LRRC49: variants seen among roughly 807,000 people sequenced by gnomAD.
LRRC49 encodes the protein leucine rich repeat containing 49, also known as leucine-rich repeat-containing protein 49.
A neutral mutation model predicts 83.3 loss-of-function variants in LRRC49; 50 were observed. That is an observed-to-expected ratio of 0.60 (90% CI 0.48 to 0.76). LRRC49 has a LOEUF of 0.76. LRRC49 is among the 30% of genes least tolerant of loss of function. The probability of loss-of-function intolerance (pLI) is 0.00; values close to 1 mark genes in which losing one functional copy is unlikely to be tolerated. For synonymous variants in LRRC49, 286 were observed against 283.3 expected, an observed-to-expected ratio of 1.01 and a Z score of -0.10; for missense variants, 704 against 809.1, an observed-to-expected ratio of 0.87 and a Z score of 1.58.
intron 1 of LRRC49, among the ~76,000 whole-genome samples, chr15:70,858,264 C>A (rs1377082426): frequency 1.3e-5 from 2 of 152,342 alleles, no homozygotes; most frequent in East Asian, 3.9e-4. Flanking sequence ...TGGCCAGAAA[C>A]CAGCATCTTT....
At chr15:70,878,354 A>T (rs2033195814) in intron 2 of LRRC49, among the ~76,000 whole-genome samples, 1 of 152,302 alleles carries the variant, frequency 6.6e-6, no homozygotes, top group Admixed American at 6.5e-5. Context: ...ACATAATCAT[A>T]TCATCTCTAA....
chr15:70,953,073 T>A (rs2036277157), intron 8 of LRRC49, among the ~76,000 whole-genome samples: 1 of 152,208 alleles, frequency 6.6e-6, no homozygotes, highest in Non-Finnish European at 1.5e-5. Flanking sequence ...GGTTTGTGCT[T>A]CTTTATCTAA....
intron 7 of LRRC49, among the ~76,000 whole-genome samples, chr15:70,921,809 A>G (rs137858791): frequency 2.0e-5 from 3 of 152,188 alleles, no homozygotes; most frequent in Admixed American, 6.5e-5. Flanking sequence ...TGCTTCACCC[A>G]TTGAATCTTG....
At chr15:70,942,306 G>T (rs768710576) in intron 8 of LRRC49, among the ~76,000 whole-genome samples, 3 of 152,046 alleles carry the variant, frequency 2.0e-5, no homozygotes, top group African/African-American at 7.2e-5. Context: ...AAAAATTTTG[G>T]TGCATAAGGG....
At chr15:70,995,130 A>T (rs1596116310) in intron 11 of LRRC49, among the ~76,000 whole-genome samples, 1 of 152,338 alleles carries the variant, frequency 6.6e-6, no homozygotes, top group East Asian at 1.9e-4. Flanking sequence ...GCAAGGAATT[A>T]AAAAATTCAA....
At position 70,904,701 on chromosome 15, in the gene LRRC49, T is replaced by C; in HGVS notation, c.446T>C (p.Ile149Thr). ...LDLYDNQIEE[I>T]SGLSTLRCLR... ...TTATATGATAACCAGATTGAAGAAA[T>C]TAGTGGGCTTTCGACTCTGAGATGT... The change falls in exon 5 of 16, where the codon ATT becomes ACT. Residue 149 changes from isoleucine (I) to threonine (T), a missense_variant. Ile to Thr is a moderately conservative substitution (Grantham distance 89). This residue lies in a region of LRRC49 where 261 missense variants were observed against 330.5 expected (regional missense o/e 0.79). Coordinates refer to ENST00000260382, the MANE Select transcript of LRRC49 (RefSeq NM_017691.5). 6.2e-7 allele frequency: 1 copy of C among 1,613,700 alleles called. No individual in the cohort carries two copies. Among genetic ancestry groups the C allele is most frequent in the South Asian group, 1.1e-5 (1 of 91,042 alleles).
chr15:70,943,878 C>T (rs998482870), intron 8 of LRRC49, among the ~76,000 whole-genome samples: 1 of 152,194 alleles, frequency 6.6e-6, no homozygotes, highest in Non-Finnish European at 1.5e-5. Flanking sequence ...AGTGTAACAA[C>T]TGCCTGACCA....
intron 11 of LRRC49, among the ~76,000 whole-genome samples, chr15:70,999,108 G>T (rs979685032): frequency 6.6e-6 from 1 of 152,012 alleles, no homozygotes; most frequent in South Asian, 2.1e-4. Flanking sequence ...AGTTATTTCA[G>T]CATATTTAAA....
chr15:71,020,009 ATATTGG>A, intron 14 of LRRC49, among the ~76,000 whole-genome samples: 1 of 152,226 alleles, frequency 6.6e-6, no homozygotes, highest in Non-Finnish European at 1.5e-5. Flanking sequence ...AATACTTTAA[ATATTGG>A]TATTATCATG....
intron 13 of LRRC49, among the ~76,000 whole-genome samples, chr15:71,012,383 G>T (rs2038682180): frequency 6.6e-6 from 1 of 151,790 alleles, no homozygotes; most frequent in Non-Finnish European, 1.5e-5. Flanking sequence ...ATAGGAGCAA[G>T]GTATGACCAA....
chr15:71,039,511 G>GT (rs1434765244), intron 15 of LRRC49, among the ~76,000 whole-genome samples: 2 of 152,120 alleles, frequency 1.3e-5, no homozygotes, highest in African/African-American at 4.8e-5. Flanking sequence ...AAATGATGTA[G>GT]TAACGTAGTA....
intron 11 of LRRC49, among the ~76,000 whole-genome samples, chr15:70,989,181 C>T (rs888297256): frequency 2.0e-5 from 3 of 152,080 alleles, no homozygotes; most frequent in African/African-American, 7.2e-5. Flanking sequence ...TGAATGTTGG[C>T]CTGCCTTGCT....
intron 14 of LRRC49, among the ~76,000 whole-genome samples, chr15:71,026,571 G>A (rs1458576874): frequency 1.3e-5 from 2 of 152,090 alleles, no homozygotes; most frequent in East Asian, 3.9e-4. Context: ...GGGTGACAGA[G>A]CAAGACCCTA....
At chr15:70,884,512 T>C (rs1313428929) in intron 2 of LRRC49, among the ~76,000 whole-genome samples, 1 of 151,764 alleles carries the variant, frequency 6.6e-6, no homozygotes, top group African/African-American at 2.4e-5. Context: ...AGAGTGAGGC[T>C]CTGTTTCAAA....
chr15:70,996,657 A>G (rs1029582653), intron 11 of LRRC49, among the ~76,000 whole-genome samples: 2 of 152,138 alleles, frequency 1.3e-5, no homozygotes, highest in African/African-American at 4.8e-5. Context: ...CTATATATCT[A>G]TAGTTGCTTT....
At chr15:70,996,247 G>C (rs905553566) in intron 11 of LRRC49, among the ~76,000 whole-genome samples, 2 of 151,960 alleles carry the variant, frequency 1.3e-5, no homozygotes, top group African/African-American at 4.8e-5. Context: ...AACTTCTACT[G>C]GTTGTAGATT....
At chr15:70,972,809 T>G (rs2037058652) in intron 9 of LRRC49, among the ~76,000 whole-genome samples, 1 of 152,106 alleles carries the variant, frequency 6.6e-6, no homozygotes, top group East Asian at 1.9e-4. Flanking sequence ...TTCACGAAAT[T>G]CTTGTGCTGT....
At chr15:70,858,659 C>T in intron 1 of LRRC49, 4 of 562,932 alleles carry the variant, frequency 7.1e-6, no homozygotes, top group Non-Finnish European at 1.3e-5. Context: ...CTTCTCTGCT[C>T]CTTCTGGAAT....
intron 3 of LRRC49, chr15:70,898,437 G>C (rs1040670236): frequency 4.3e-6 from 3 of 702,000 alleles, no homozygotes; most frequent in East Asian, 2.7e-5. Context: ...TATTTGGGAA[G>C]ACAAGGGCTA....
Sources: allele counts gnomAD v4.1 joint callset (sites outside exome capture counted in the v4.1 genomes callset), GRCh38; gene constraint gnomAD v4.1.1; regional missense constraint gnomAD v4.1.1; transcripts MANE v1.5; gene names NCBI Gene and HGNC (gene_info 2026-07-23, HGNC 2026-07-21).